The following RIC3 variants were observed in gnomAD, a reference collection of about 807,000 sequenced individuals.
RIC3 encodes the protein RIC3 acetylcholine receptor chaperone.
RIC3 carries 28 observed loss-of-function variants against 27.3 expected under a neutral mutation model. The observed-to-expected ratio is 1.02, with a 90% confidence interval of 0.76 to 1.41. The LOEUF (loss-of-function observed/expected upper bound fraction) is 1.41. Ranked by LOEUF, RIC3 falls within the 40% of genes most tolerant of loss-of-function variation. The probability of loss-of-function intolerance (pLI) is 0.00; values close to 1 mark genes in which losing one functional copy is unlikely to be tolerated. For synonymous variants in RIC3, 184 were observed against 160.4 expected (o/e 1.15, Z -1.11); for missense variants, 501 against 444.7 (o/e 1.13, Z -1.14).
chr11:8,111,605 A>C (rs1416982142), intron 5 of RIC3, among the ~76,000 whole-genome samples: 1 of 152,228 alleles, frequency 6.6e-6, no homozygotes, highest in Non-Finnish European at 1.5e-5. Flanking sequence ...ATACACCATG[A>C]AGCTTTCTAT....
At chr11:8,138,549 G>A (rs955543536) in intron 2 of RIC3, 3 of 510,716 alleles carry the variant, frequency 5.9e-6, no homozygotes, top group Admixed American at 3.7e-5. Flanking sequence ...AAGCACAAGT[G>A]TAAAAAGTAA....
intron 5 of RIC3, among the ~76,000 whole-genome samples, chr11:8,115,602 G>A (rs929745815): frequency 9.2e-5 from 14 of 152,146 alleles, no homozygotes; most frequent in African/African-American, 3.1e-4. Context: ...GAGGTCAGGA[G>A]TTCGAGACCA....
chr11:8,116,313 T>C lies in RIC3; in HGVS notation c.671-5176A>G, dbSNP rs545107732. Reference sequence around the variant, plus strand: ...GCACTGAAGACTTAAACATAAGACCTGAAGCTGTAAAACTACTAGAAGAAA... The same window carrying C: ...GCACTGAAGACTTAAACATAAGACCCGAAGCTGTAAAACTACTAGAAGAAA... On this transcript the variant is annotated intron_variant, in intron 5 of 5. Coordinates refer to ENST00000309737, the MANE Select transcript of RIC3 (RefSeq NM_001206671.4). 3.9e-5 allele frequency among the ~76,000 whole-genome samples: 6 copies of C among 152,314 alleles called. No individual in the cohort carries two copies. In the East Asian group the frequency reaches 1.2e-3, roughly 29 times the overall value.
Position 8,110,079 on chromosome 11 carries a change from G to C in RIC3, c.*619C>G, listed in dbSNP as rs150130872. 1.8e-4 allele frequency: 29 copies of C among 161,200 alleles called. No homozygotes were observed. The East Asian group carries it at 4.3e-3, about 24-fold the overall frequency. The allele number at this position is 161,200 out of a possible 1,614,324, so 10.0% of individuals were successfully genotyped here. A position where few individuals can be genotyped will look rare whatever the true frequency, so the allele number is the denominator to read the frequency against. On this transcript the variant is annotated 3_prime_UTR_variant, in exon 6 of 6. Coordinates refer to ENST00000309737, the MANE Select transcript of RIC3 (RefSeq NM_001206671.4). ...AGCCTCTGGGCTCATTCTCAGATCA[G>C]TGGGAGTCTTCCCTACTCTGGAGAA...
At chr11:8,101,628 T>C, downstream of RIC3, 1 of 1,614,070 alleles carries the variant, frequency 6.2e-7, no homozygotes, top group South Asian at 1.1e-5. Flanking sequence ...AGAGGCCTCT[T>C]CGTGCCCTTT....
In RIC3 at chr11:8,139,977, A is replaced by C. The variant is rs1167416744; in HGVS notation, c.341T>G (p.Ile114Ser). ...GATGATTCTACTTACCTTAAATAGA[A>C]TGTACAGTATATATAAAAAAATCCC... Reference protein sequence around the residue: ...GFGIFLYILYILFKLSKGKTT... With the variant: ...GFGIFLYILYSLFKLSKGKTT... The change falls in exon 2 of 6, where the codon ATT (isoleucine) becomes AGT (serine). Residue 114 changes from isoleucine to serine, a missense_variant. Transcript: ENST00000309737. 6.2e-7 allele frequency: 1 copy of C among 1,613,332 alleles called. No homozygotes were observed. Among genetic ancestry groups the C allele is most frequent in the Non-Finnish European group, 8.5e-7 (1 of 1,179,316 alleles).
At chr11:8,103,631 A>G (rs1944398166), downstream of RIC3, 2 of 152,624 alleles carry the variant, frequency 1.3e-5, no homozygotes, top group Non-Finnish European at 2.9e-5. Context: ...AGAGGGCACT[A>G]GAACTTTGTG....
At chr11:8,147,489 G>A (rs1287397216) in intron 1 of RIC3, among the ~76,000 whole-genome samples, 1 of 152,144 alleles carries the variant, frequency 6.6e-6, no homozygotes, top group Non-Finnish European at 1.5e-5. Context: ...ATTCTCTATA[G>A]AATGTGGATC....
intron 1 of RIC3, among the ~76,000 whole-genome samples, chr11:8,147,576 T>C (rs372930190): frequency 6.6e-6 from 1 of 152,164 alleles, no homozygotes; most frequent in South Asian, 2.1e-4. Context: ...AATATTTTTA[T>C]TTCTTTTCTT....
At chr11:8,151,631 T>TG (rs991796457) in intron 1 of RIC3, among the ~76,000 whole-genome samples, 5 of 142,882 alleles carry the variant, frequency 3.5e-5, no homozygotes, top group Admixed American at 2.1e-4. Context: ...TAAACAACTG[T>TG]GGCCAGGTGT....
chr11:8,094,554 C>T, the RIC3 span, among the ~76,000 whole-genome samples: 1 of 152,234 alleles, frequency 6.6e-6, no homozygotes, highest in Admixed American at 6.5e-5. Context: ...GGGCTGACTG[C>T]TTCCCAGGCA....
At chr11:8,128,053 C>G (rs908938031) in intron 4 of RIC3, among the ~76,000 whole-genome samples, 34 of 152,214 alleles carry the variant, frequency 2.2e-4, no homozygotes, top group African/African-American at 8.2e-4. Context: ...GTTCCACATT[C>G]AGCTAAAATC....
the RIC3 span, chr11:8,097,910 A>G: frequency 1.9e-6 from 2 of 1,044,384 alleles, no homozygotes; most frequent in Non-Finnish European, 2.9e-6. Flanking sequence ...AATCTTCCTG[A>G]AGGAGATCTA....
At chr11:8,147,538 T>C (rs1163681903) in intron 1 of RIC3, among the ~76,000 whole-genome samples, 4 of 152,172 alleles carry the variant, frequency 2.6e-5, no homozygotes, top group Non-Finnish European at 5.9e-5. Context: ...AATTTCAAGA[T>C]ACGGCAAAGA....
At chr11:8,136,606 C>T (rs538264386) in intron 4 of RIC3, among the ~76,000 whole-genome samples, 1 of 152,324 alleles carries the variant, frequency 6.6e-6, no homozygotes, top group East Asian at 1.9e-4. Context: ...ACATTCTAAA[C>T]GGCCAGTTTG....
In RIC3 at chr11:8,106,402, G is replaced by GTCCT. The variant is rs1452059913; in HGVS notation, c.*4292_*4295dup. On this transcript the variant is annotated 3_prime_UTR_variant, in exon 6 of 6. Coordinates refer to ENST00000309737, the MANE Select transcript of RIC3 (RefSeq NM_001206671.4). ...CACCAATGACATGTGGGTCAACACT[G>GTCCT]TCCTTCCTCTGGCCTGTGCCTTTCA... 1 of 152,174 alleles carries GTCCT rather than the reference G, an allele frequency of 6.6e-6. No individual in the cohort carries two copies. Among genetic ancestry groups the GTCCT allele is most frequent in the Non-Finnish European group, 1.5e-5 (1 of 68,026 alleles). 9.4% of individuals were successfully genotyped at this position (152,174 alleles called of 1,614,324 possible).
rs1948857783 is a variant in RIC3 at position 8,139,947 on chromosome 11, A to T, written c.351+20T>A. The T allele has an allele frequency of 3.8e-6, 6 of 1,593,808 alleles. No homozygotes were observed. Among genetic ancestry groups the T allele is most frequent in the Non-Finnish European group, 3.4e-6 (4 of 1,162,286 alleles). ...ATTAGATTTTCATTGATGTAATATG[A>T]TTAGGATGATTCTACTTACCTTAAA... On this transcript the variant is annotated intron_variant, in intron 2 of 5. Coordinates refer to ENST00000309737, the MANE Select transcript of RIC3 (RefSeq NM_001206671.4).
chr11:8,160,384 T>TA (rs1951063009), intron 1 of RIC3, among the ~76,000 whole-genome samples: 1 of 152,226 alleles, frequency 6.6e-6, no homozygotes, highest in African/African-American at 2.4e-5. Context: ...AAAAGTTTTT[T>TA]AAAAATCAAG....
At chr11:8,118,038 C>T (rs186335086) in intron 5 of RIC3, among the ~76,000 whole-genome samples, 59 of 151,648 alleles carry the variant, frequency 3.9e-4, no homozygotes, top group African/African-American at 1.0e-3. Flanking sequence ...CTGGCTAACA[C>T]GGTGAAACCC....
Sources: gnomAD v4.1 joint callset for allele counts (sites outside exome capture counted in the v4.1 genomes callset) on GRCh38, gnomAD v4.1.1 for gene constraint, MANE v1.5 for transcripts, NCBI Gene and HGNC (gene_info 2026-07-23, HGNC 2026-07-21) for gene names.